The following HSPA4 variants were observed in gnomAD, a reference collection of about 807,000 sequenced individuals.
The protein encoded by HSPA4 is heat shock 70 kDa protein 4.
HSPA4 carries 25 observed loss-of-function variants against 106.2 expected under a neutral mutation model. That is an observed-to-expected ratio of 0.24 (90% confidence interval 0.17 to 0.33). The LOEUF is 0.33. HSPA4 is among the 10% of genes least tolerant of loss of function. HSPA4 has a pLI of 1.00. For missense variants in HSPA4, 841 were observed against 996.0 expected (o/e 0.84, Z 2.10); for synonymous variants, 332 against 333.6 (o/e 1.00, Z 0.05).
At chr5:133,080,992 C>T (rs1393751312) in intron 7 of HSPA4, among the ~76,000 whole-genome samples, 2 of 152,198 alleles carry the variant, frequency 1.3e-5, no homozygotes, top group African/African-American at 2.4e-5. Flanking sequence ...CATTTACTCT[C>T]CATTTCCCTC....
At chr5:133,089,263 T>G in intron 10 of HSPA4, 102 bp downstream of exon 10, 1 of 689,366 alleles carries the variant, frequency 1.5e-6, no homozygotes, top group Non-Finnish European at 2.4e-6. Flanking sequence ...TGTAACATTT[T>G]ATCATAGTGC....
intron 1 of HSPA4, among the ~76,000 whole-genome samples, chr5:133,057,112 A>C (rs770948409): frequency 2.0e-5 from 3 of 152,192 alleles, no homozygotes; most frequent in East Asian, 3.8e-4. Flanking sequence ...AGGAACAGCA[A>C]ATCTCAAAAG....
chr5:133,100,402 CTT>C (rs879319527), intron 16 of HSPA4, among the ~76,000 whole-genome samples: 1 of 135,894 alleles, frequency 7.4e-6, no homozygotes. Flanking sequence ...AGCATCTGAT[CTT>C]TTTTTTTTTT....
intron 1 of HSPA4, among the ~76,000 whole-genome samples, chr5:133,062,658 A>G (rs1765258455): frequency 6.6e-6 from 1 of 152,098 alleles, no homozygotes; most frequent in Non-Finnish European, 1.5e-5. Context: ...TGAGCTTGAC[A>G]CCTTTGCTTT....
chr5:133,055,581 G>A (rs1337731040), intron 1 of HSPA4, among the ~76,000 whole-genome samples: 1 of 152,102 alleles, frequency 6.6e-6, no homozygotes, highest in Non-Finnish European at 1.5e-5. Context: ...TTTATCAGAT[G>A]TTGAGTGCCT....
rs1023976482 is a variant in HSPA4, at chr5:133,068,048, A to G, written c.306+491A>G. On this transcript the variant is annotated intron_variant, in intron 3 of 18. Transcript: ENST00000304858. ...GCTGGGATTACAGGCACGTGCCACC[A>G]TGCCTGGGTAGTTTTTTGCATCTTT... is the stretch of plus-strand genomic sequence containing the variant. Among the ~76,000 whole-genome samples the G allele has an allele frequency of 4.6e-5, 7 of 151,822 alleles. 1 individual carries two copies. Among genetic ancestry groups the G allele is most frequent in the Non-Finnish European group, 7.4e-5 (5 of 67,984 alleles).
intron 1 of HSPA4, among the ~76,000 whole-genome samples, chr5:133,060,277 A>G (rs1765223186): frequency 6.6e-6 from 1 of 152,084 alleles, no homozygotes; most frequent in African/African-American, 2.4e-5. Flanking sequence ...CTAATATTCA[A>G]GTTAATCTTT....
At position 133,061,421 on chromosome 5, in the gene HSPA4, C is replaced by T. The variant is rs559356497; in HGVS notation, c.108-3559C>T. Among the ~76,000 whole-genome samples, 16 of 137,064 alleles carry T rather than the reference C, an allele frequency of 1.2e-4. No individual in the cohort carries two copies. The South Asian group carries it at 1.6e-3, about 14-fold the overall frequency. The allele number at this position is 137,064 out of a possible 152,430, so 89.9% of individuals were successfully genotyped here. ...ACAGGTGTGAGCCACCGCGCCCGGC[C>T]GTGTTTTCTAAGTTGCTGTTCATGA... On this transcript the variant is annotated intron_variant, in intron 1 of 18. Transcript: ENST00000304858.
At position 133,096,226 on chromosome 5, in the gene HSPA4, G is replaced by A; in HGVS notation, c.1779G>A (p.Met593Ile). ...NQLLWQIDREMLNLYIENEGK... is the reference protein window; with the variant it reads ...NQLLWQIDREILNLYIENEGK... ...TATTATGGCAGATAGACAGAGAGAT[G>A]CTCAACTTGTACATTGAAAATGAGG... The change falls in exon 14 of 19, where the codon ATG becomes ATA. Residue 593 changes from methionine (M) to isoleucine (I), a missense_variant. Coordinates refer to ENST00000304858, the MANE Select transcript of HSPA4 (RefSeq NM_002154.4). The A allele has an allele frequency of 6.2e-6, 10 of 1,613,652 alleles. No homozygotes were observed. The highest frequency in any genetic ancestry group is 8.5e-6 in the Non-Finnish European group (10 of 1,179,770).
chr5:133,102,376 C>G (rs1243894563), intron 17 of HSPA4, among the ~76,000 whole-genome samples: 1 of 152,140 alleles, frequency 6.6e-6, no homozygotes, highest in African/African-American at 2.4e-5. Context: ...TGCTGTATCT[C>G]TTTAATAGGT....
rs1388048128 is a variant in HSPA4, at chr5:133,067,496, C to T, written c.245C>T (p.Ala82Val). 3 of 1,613,736 alleles carry T rather than the reference C, an allele frequency of 1.9e-6. No individual in the cohort carries two copies. The highest frequency in any genetic ancestry group is 2.5e-6 in the Non-Finnish European group (3 of 1,179,690). The part of the protein sequence containing the change: ...GRAFSDPFVE[A>V]EKSNLAYDIV... ...GCATTCTCTGATCCATTTGTGGAGG[C>T]AGAAAAATCTAACCTTGCATATGAT... Residue 82 changes from alanine to valine, a missense_variant, in exon 3 of 19, where the codon GCA becomes GTA. Physicochemically the swap from Ala to Val is moderately conservative, Grantham distance 64. Around this residue, in one of 5 missense-constraint regions of HSPA4, gnomAD observed 347 missense variants for 408.7 expected, o/e 0.85. Coordinates refer to ENST00000304858, the MANE Select transcript of HSPA4 (RefSeq NM_002154.4).
At chr5:133,078,032 G>C (rs1471924638) in intron 7 of HSPA4, among the ~76,000 whole-genome samples, 1 of 152,134 alleles carries the variant, frequency 6.6e-6, no homozygotes, top group Non-Finnish European at 1.5e-5. Flanking sequence ...CCTGTGTGCT[G>C]TTGTTTGAAA....
At chr5:133,082,000 A>G (rs1180332327) in intron 7 of HSPA4, among the ~76,000 whole-genome samples, 1 of 152,248 alleles carries the variant, frequency 6.6e-6, no homozygotes, top group Non-Finnish European at 1.5e-5. Flanking sequence ...TACTCATAAT[A>G]GACAAAAAGT....
rs1296326151 is a variant in HSPA4 at position 133,105,577 on chromosome 5, G to T, written c.*1141G>T. 6.6e-6 allele frequency: 1 copy of T among 152,172 alleles called. No homozygotes were observed. Among genetic ancestry groups the T allele is most frequent in the Admixed American group, 6.5e-5 (1 of 15,282 alleles). The allele number at this position is 152,172 out of a possible 1,614,324, so 9.4% of individuals were successfully genotyped here. On this transcript the variant is annotated 3_prime_UTR_variant, in exon 19 of 19. Coordinates refer to ENST00000304858, the MANE Select transcript of HSPA4 (RefSeq NM_002154.4). ...ATTCCTCTGACTGCTTTTTGGGGCA[G>T]TGTTGACAGGAGTGAGGCATTTTGG...
intron 17 of HSPA4, among the ~76,000 whole-genome samples, chr5:133,102,224 C>A (rs1765794570): frequency 6.6e-6 from 1 of 152,220 alleles, no homozygotes; most frequent in Non-Finnish European, 1.5e-5. Context: ...AGCCACTGCT[C>A]CCGGCCGTAA....
intron 4 of HSPA4, among the ~76,000 whole-genome samples, chr5:133,072,392 G>GTTTTT (rs748459297): frequency 0.044 from 3,308 of 75,636 alleles, 203 homozygotes; most frequent in South Asian, 0.064. Context: ...GTCCAGGGTT[G>GTTTTT]TTTTTTTTTT....
chr5:133,099,436 C>G (rs886648807), intron 15 of HSPA4, 109 bp from the exon 16 acceptor site: 2 of 500,280 alleles, frequency 4.0e-6, no homozygotes, highest in Non-Finnish European at 7.2e-6. Context: ...CCTGGCTGCC[C>G]TCTGTATTTT....
intron 8 of HSPA4, among the ~76,000 whole-genome samples, chr5:133,087,651 T>A (rs1365596281): frequency 6.6e-6 from 1 of 152,100 alleles, no homozygotes; most frequent in Non-Finnish European, 1.5e-5. Flanking sequence ...GAGATGGGAG[T>A]CTTGCTCTGT....
intron 7 of HSPA4, among the ~76,000 whole-genome samples, chr5:133,079,035 C>T (rs1765482743): frequency 6.6e-6 from 1 of 152,104 alleles, no homozygotes; most frequent in South Asian, 2.1e-4. Context: ...TGCCTGGCCC[C>T]CTTCATTTAG....
Sources: allele counts gnomAD v4.1 joint callset (sites outside exome capture counted in the v4.1 genomes callset), GRCh38; gene constraint gnomAD v4.1.1; regional missense constraint gnomAD v4.1.1; transcripts MANE v1.5; gene names NCBI Gene and HGNC (gene_info 2026-07-23, HGNC 2026-07-21).